DMD: variants seen among roughly 807,000 people sequenced by gnomAD.
DMD encodes dystrophin, also known as mutant dystrophin.
In DMD, 63 loss-of-function variants were observed where a neutral mutation model predicts 330.1. That is an observed-to-expected ratio of 0.19 (90% CI 0.16 to 0.24). The LOEUF (loss-of-function observed/expected upper bound fraction) is 0.24, where lower values mean the gene tolerates loss of function less well. Among genes scored for constraint, DMD ranks in the 10% least tolerant of loss-of-function variants. The pLI is 1.00. For missense variants in DMD, 3,344 were observed against 2,684.1 expected, an observed-to-expected ratio of 1.25 and a Z score of -5.43; for synonymous variants, 1,223 against 959.8, an observed-to-expected ratio of 1.27 and a Z score of -5.07.
intron 18 of DMD, among the ~76,000 whole-genome samples, chrX:32,516,279 G>A (rs1276877292): frequency 9.0e-6 from 1 of 111,696 alleles, no homozygotes; most frequent in Admixed American, 9.5e-5. Flanking sequence ...TATTTAGCCT[G>A]AGGGAAACAT....
chrX:31,931,542 C>T (rs1603615855), intron 46 of DMD, among the ~76,000 whole-genome samples: 1 of 110,699 alleles, frequency 9.0e-6, no homozygotes, highest in Non-Finnish European at 1.9e-5. Context: ...AATATAATGC[C>T]TTTAAGTAGA....
intron 64 of DMD, among the ~76,000 whole-genome samples, chrX:31,211,892 A>G (rs1227314472): frequency 8.9e-6 from 1 of 111,777 alleles, no homozygotes; most frequent in Non-Finnish European, 1.9e-5. Context: ...TCATGGAGCT[A>G]TTTTGAAAAA....
intron 25 of DMD, among the ~76,000 whole-genome samples, chrX:32,455,741 C>G (rs1311201315): frequency 9.0e-6 from 1 of 111,262 alleles, no homozygotes; most frequent in Non-Finnish European, 1.9e-5. Context: ...CTATGGGATA[C>G]TGTGCATCAC....
Position 32,818,566 on chromosome X carries a change from G to A in DMD, c.358-1926C>T, listed in dbSNP as rs191538523. Among the ~76,000 whole-genome samples, 160 of 111,588 alleles carry A rather than the reference G, an allele frequency of 1.4e-3. 1 individual carries two copies. The highest frequency in any genetic ancestry group is 1.9e-3 in the South Asian group (5 of 2,641). ...AACAGATGTATTTGTGTGTGTGCGC[G>A]CATACAACTATAAATCAATTTTTAA... On this transcript the variant is annotated intron_variant, in intron 5 of 78. Transcript: ENST00000357033.
At chrX:33,261,433 G>A (rs1222234706) in intron 1 of DMD, among the ~76,000 whole-genome samples, 2 of 110,769 alleles carry the variant, frequency 1.8e-5, no homozygotes, top group South Asian at 3.8e-4. Flanking sequence ...TAGTGGCTTC[G>A]CATTTAGATT....
intron 44 of DMD, among the ~76,000 whole-genome samples, chrX:32,136,281 T>C: frequency 8.9e-6 from 1 of 112,677 alleles, no homozygotes; most frequent in Admixed American, 9.4e-5. Flanking sequence ...ACTGTTGGTG[T>C]GTCCCACCTA....
At chrX:31,543,028 C>T (rs1336632236) in intron 55 of DMD, among the ~76,000 whole-genome samples, 1 of 112,260 alleles carries the variant, frequency 8.9e-6, no homozygotes, top group Admixed American at 9.4e-5. Context: ...GGACATGGGA[C>T]GCCTCCGTGT....
intron 7 of DMD, among the ~76,000 whole-genome samples, chrX:32,754,229 A>G (rs755912082): frequency 8.1e-5 from 9 of 111,280 alleles, no homozygotes; most frequent in Admixed American, 7.7e-4. Context: ...TTTCAAAACA[A>G]TCTTATCAGA....
chrX:31,861,270 TAG>T (rs765818998), intron 48 of DMD, among the ~76,000 whole-genome samples: 2 of 111,279 alleles, frequency 1.8e-5, no homozygotes, highest in Admixed American at 9.6e-5. Context: ...TTTTCTTGTT[TAG>T]AAGATCAAAA....
intron 55 of DMD, among the ~76,000 whole-genome samples, chrX:31,597,840 A>G (rs1486702012): frequency 8.9e-6 from 1 of 111,795 alleles, no homozygotes; most frequent in African/African-American, 3.2e-5. Flanking sequence ...TGTTAATACC[A>G]CATATCAGAA....
intron 52 of DMD, among the ~76,000 whole-genome samples, chrX:31,700,047 G>A (rs951296563): frequency 8.2e-5 from 9 of 109,444 alleles, no homozygotes; most frequent in Non-Finnish European, 1.5e-4. Flanking sequence ...TTAGCCAGGC[G>A]CAGTGGCAGG....
chrX:32,278,469 G>A (rs931738672), intron 43 of DMD, among the ~76,000 whole-genome samples: 5 of 110,857 alleles, frequency 4.5e-5, no homozygotes, highest in Non-Finnish European at 5.7e-5. Context: ...GAAAATTTTC[G>A]CAACCTACTC....
chrX:33,184,495 A>G (rs1487845556), intron 1 of DMD, among the ~76,000 whole-genome samples: 1 of 111,232 alleles, frequency 9.0e-6, no homozygotes, highest in Non-Finnish European at 1.9e-5. Flanking sequence ...TTCTACCTCT[A>G]CAAAAAGTCA....
At chrX:33,250,926 A>G (rs180735695) in intron 1 of DMD, among the ~76,000 whole-genome samples, 51 of 111,357 alleles carry the variant, frequency 4.6e-4, no homozygotes, top group African/African-American at 1.6e-3. Context: ...TAAAAGATGC[A>G]TAGATAACCC....
chrX:32,020,376 A>G (rs1006839041), intron 44 of DMD, among the ~76,000 whole-genome samples: 1 of 112,372 alleles, frequency 8.9e-6, no homozygotes, highest in Non-Finnish European at 1.9e-5. Context: ...TTAATTAAAG[A>G]CCATCTTCAG....
At chrX:33,277,307 G>A (rs2053250416) in intron 1 of DMD, among the ~76,000 whole-genome samples, 1 of 110,349 alleles carries the variant, frequency 9.1e-6, no homozygotes, top group African/African-American at 3.4e-5. Flanking sequence ...ATACAGTGGT[G>A]CCTTTGGGGT....
At chrX:31,687,766 C>G (rs2082786132) in intron 52 of DMD, among the ~76,000 whole-genome samples, 1 of 112,111 alleles carries the variant, frequency 8.9e-6, no homozygotes, top group Admixed American at 9.4e-5. Context: ...TGTATTGAAG[C>G]TCCACTGCAT....
chrX:32,725,261 G>A (rs990120727), intron 7 of DMD, among the ~76,000 whole-genome samples: 1 of 110,809 alleles, frequency 9.0e-6, no homozygotes, highest in Non-Finnish European at 1.9e-5. Context: ...CCACTGCTGA[G>A]CATTCTCTGC....
Position 32,767,554 on chromosome X carries a change from A to G in DMD, c.649+41939T>C, listed in dbSNP as rs748663562. 1.5e-4 allele frequency among the ~76,000 whole-genome samples: 17 copies of G among 111,634 alleles called. No individual in the cohort carries two copies. In the East Asian group the frequency reaches 4.5e-3, roughly 30 times the overall value. On this transcript the variant is annotated intron_variant, in intron 7 of 78. Coordinates refer to ENST00000357033, the MANE Select transcript of DMD (RefSeq NM_004006.3). ...GACTATTTCTTCTCTCCTCTATTTT[A>G]GAGGCAGTCTGAAGTCTTTCAACAA...
Sources: allele counts gnomAD v4.1 joint callset (sites outside exome capture counted in the v4.1 genomes callset), GRCh38; gene constraint gnomAD v4.1.1; transcripts MANE v1.5; gene names NCBI Gene and HGNC (gene_info 2026-07-23, HGNC 2026-07-21).